Variants in NCALD observed in about 807,000 individuals in gnomAD.
NCALD encodes the protein neurocalcin delta.
NCALD carries 10 observed loss-of-function variants against 18.6 expected under a neutral mutation model. The ratio of observed to expected loss-of-function variants is 0.54; its 90% CI spans 0.33 to 0.91. The LOEUF (loss-of-function observed/expected upper bound fraction) is 0.91, where lower values mean the gene tolerates loss of function less well. Ranked by LOEUF, NCALD falls within the 40% of genes least tolerant of loss-of-function variation. NCALD has a pLI of 0.03. For missense variants in NCALD, 184 were observed against 247.6 expected (o/e 0.74, Z 1.72); for synonymous variants, 88 against 87.4 (o/e 1.01, Z -0.04).
chr8:101,689,254 G>T lies in NCALD; in HGVS notation c.*55C>A. The T allele has an allele frequency of 8.7e-6, 13 of 1,487,114 alleles. No individual in the cohort carries two copies. Among genetic ancestry groups the T allele is most frequent in the Non-Finnish European group, 1.2e-5 (13 of 1,083,200 alleles). 92.1% of individuals were successfully genotyped at this position (1,487,114 alleles called of 1,614,324 possible). A position where few individuals can be genotyped will look rare whatever the true frequency, so the allele number is the denominator to read the frequency against. On this transcript the variant is annotated 3_prime_UTR_variant, in exon 4 of 4. Coordinates refer to ENST00000220931, the MANE Select transcript of NCALD (RefSeq NM_032041.3). This position sits in a 1 kb window ranked among gnomAD's most constrained non-coding sequence, Gnocchi z 4.4. ...AAAAAAAAAAAAAAATTGTTAAAAA[G>T]AAGAATCAAAAGGGAACACAAGCAG... is the stretch of plus-strand genomic sequence containing the variant.
At chr8:102,055,760 T>C (rs909635398) in intron 1 of NCALD, among the ~76,000 whole-genome samples, 6 of 152,276 alleles carry the variant, frequency 3.9e-5, no homozygotes, top group Non-Finnish European at 8.8e-5. Context: ...AATTTCACAA[T>C]GAACAGTTGA....
At chr8:101,921,620 T>C (rs1045501179) in intron 2 of NCALD, among the ~76,000 whole-genome samples, 20 of 152,178 alleles carry the variant, frequency 1.3e-4, no homozygotes, top group African/African-American at 4.8e-4. Context: ...CCTTTAAACA[T>C]AGACTAGAAG....
intron 3 of NCALD, among the ~76,000 whole-genome samples, chr8:101,905,440 G>A (rs775905383): frequency 1.3e-5 from 2 of 152,086 alleles, no homozygotes; most frequent in Admixed American, 6.6e-5. Context: ...CTCAGCAAGT[G>A]GCTGAGCACT....
chr8:101,811,917 C>T lies in NCALD; in HGVS notation c.-20+75224G>A, dbSNP rs949169366. 5.9e-5 allele frequency among the ~76,000 whole-genome samples: 9 copies of T among 152,288 alleles called. No homozygotes were observed. The South Asian group carries it at 1.4e-3, about 25-fold the overall frequency. ...AGCCCATGTGGCTTATATCAGAGAACGTGCTAAACACAAGCAAGAAAAGAA... is the reference window on the plus strand; with the variant it reads ...AGCCCATGTGGCTTATATCAGAGAATGTGCTAAACACAAGCAAGAAAAGAA... On this transcript the variant is annotated intron_variant, in intron 4 of 6. Coordinates refer to the NCALD transcript ENST00000311028.
chr8:101,831,531 C>A (rs1033666111), intron 4 of NCALD, among the ~76,000 whole-genome samples: 1 of 152,182 alleles, frequency 6.6e-6, no homozygotes, highest in Non-Finnish European at 1.5e-5. Context: ...GCCCCCTCCC[C>A]ATTTTTATAC....
chr8:101,943,768 G>A (rs536482398), intron 2 of NCALD, among the ~76,000 whole-genome samples: 20 of 152,010 alleles, frequency 1.3e-4, no homozygotes, highest in Admixed American at 1.0e-3. Context: ...ATGAAACCCC[G>A]TCTCTACTAA....
intron 2 of NCALD, among the ~76,000 whole-genome samples, chr8:101,700,062 T>G (rs1815187152): frequency 6.6e-6 from 1 of 151,854 alleles, no homozygotes; most frequent in African/African-American, 2.4e-5. Flanking sequence ...ATTTATTCAT[T>G]TATTTATTTA....
At chr8:101,912,187 A>G (rs1302947456) in intron 3 of NCALD, among the ~76,000 whole-genome samples, 1 of 152,214 alleles carries the variant, frequency 6.6e-6, no homozygotes, top group Non-Finnish European at 1.5e-5. Flanking sequence ...CATGTAAAAT[A>G]TAAAAAAACT....
At chr8:101,697,706 T>G (rs117466012) in intron 2 of NCALD, among the ~76,000 whole-genome samples, 5,216 of 152,200 alleles carry the variant, frequency 0.034, 106 homozygotes, top group Middle Eastern at 0.13. Flanking sequence ...AAACACATGA[T>G]CATCTCAATA....
intron 4 of NCALD, among the ~76,000 whole-genome samples, chr8:101,796,423 T>G (rs1812640952): frequency 6.6e-6 from 1 of 152,124 alleles, no homozygotes; most frequent in Admixed American, 6.5e-5. Context: ...GACTTTAAAA[T>G]AACTCTAATT....
chr8:101,957,289 GTTT>G (rs11305701), intron 2 of NCALD, among the ~76,000 whole-genome samples: 43 of 99,480 alleles, frequency 4.3e-4, no homozygotes, highest in Admixed American at 1.4e-3. Context: ...AAAAGTTGGG[GTTT>G]TTTTTTTTTT....
chr8:101,730,880 TGG>T (rs1563706437), intron 1 of NCALD, among the ~76,000 whole-genome samples: 4 of 152,194 alleles, frequency 2.6e-5, no homozygotes, highest in African/African-American at 9.7e-5. Context: ...CCTGTTTTAA[TGG>T]TGCTTATGGT....
chr8:101,769,634 T>A (rs1811501000), intron 1 of NCALD, among the ~76,000 whole-genome samples: 1 of 152,062 alleles, frequency 6.6e-6, no homozygotes, highest in South Asian at 2.1e-4. Flanking sequence ...TTTTTTTTTT[T>A]TCTTTTTGCT....
chr8:101,976,868 T>G (rs1307309168), intron 2 of NCALD, among the ~76,000 whole-genome samples: 1 of 151,956 alleles, frequency 6.6e-6, no homozygotes, highest in Admixed American at 6.6e-5. Context: ...CTGTGGTAAG[T>G]GCTATGAAGG....
chr8:102,066,209 A>C (rs1824003868), intron 1 of NCALD, among the ~76,000 whole-genome samples: 1 of 152,220 alleles, frequency 6.6e-6, no homozygotes, highest in Non-Finnish European at 1.5e-5. Flanking sequence ...TGTCACAATA[A>C]CTTTGAACTA....
chr8:101,911,753 T>G (rs980401016), intron 3 of NCALD, among the ~76,000 whole-genome samples: 2 of 152,240 alleles, frequency 1.3e-5, no homozygotes, highest in East Asian at 1.9e-4. Context: ...ATTACCTGCT[T>G]TCTTCATGGT....
chr8:101,812,940 T>G (rs949992022), intron 4 of NCALD, among the ~76,000 whole-genome samples: 1 of 152,148 alleles, frequency 6.6e-6, no homozygotes, highest in Non-Finnish European at 1.5e-5. Context: ...TTTACTGAAT[T>G]AATGCCACTG....
At chr8:101,725,005 A>G (rs1054491914) in intron 1 of NCALD, among the ~76,000 whole-genome samples, 3 of 152,234 alleles carry the variant, frequency 2.0e-5, no homozygotes, top group African/African-American at 7.2e-5. Context: ...ACTCCTAGGC[A>G]CTGCGGAATT....
chr8:101,712,474 TAA>T (rs1241698378), intron 2 of NCALD, among the ~76,000 whole-genome samples: 1 of 147,966 alleles, frequency 6.8e-6, no homozygotes, highest in African/African-American at 2.5e-5. Flanking sequence ...GCAAATTGGA[TAA>T]AGAGTCAAGA....
Sources: allele counts gnomAD v4.1 joint callset (sites outside exome capture counted in the v4.1 genomes callset), GRCh38; gene constraint gnomAD v4.1.1; non-coding constraint Gnocchi (gnomAD v3.1); transcripts MANE v1.5; gene names NCBI Gene and HGNC (gene_info 2026-07-23, HGNC 2026-07-21).